The following TENM2 variants were observed in gnomAD, a reference collection of about 807,000 sequenced individuals.
TENM2 encodes the protein teneurin transmembrane protein 2, also known as teneurin-2.
TENM2 carries 52 observed loss-of-function variants against 245.2 expected under a neutral mutation model. The observed-to-expected ratio is 0.21, with a 90% CI of 0.17 to 0.27. TENM2 has a LOEUF of 0.27. TENM2 is among the 10% of genes least tolerant of loss of function. TENM2 has a pLI of 1.00. For missense variants in TENM2, 3,046 were observed against 3,666.8 expected, an observed-to-expected ratio of 0.83 and a Z score of 4.37; for synonymous variants, 1,363 against 1,438.9, an observed-to-expected ratio of 0.95 and a Z score of 1.19.
intron 1 of TENM2, among the ~76,000 whole-genome samples, chr5:167,353,658 C>T (rs985643557): frequency 1.1e-3 from 163 of 151,456 alleles, no homozygotes; most frequent in African/African-American, 3.7e-3. Flanking sequence ...CAGGCGCCCG[C>T]CACTACGCCC....
At chr5:168,030,989 G>GAAATCATTT (rs1220568483) in intron 5 of TENM2, among the ~76,000 whole-genome samples, 1 of 152,122 alleles carries the variant, frequency 6.6e-6, no homozygotes, top group East Asian at 1.9e-4. Flanking sequence ...AAGGTTGGTG[G>GAAATCATTT]AAATCATTTA....
At chr5:167,240,025 C>T in the TENM2 span, among the ~76,000 whole-genome samples, 1 of 152,208 alleles carries the variant, frequency 6.6e-6, no homozygotes, top group Non-Finnish European at 1.5e-5. Flanking sequence ...CTGCCTGCCT[C>T]GGCCTCCCAA....
At chr5:167,148,245 C>T in the TENM2 span, among the ~76,000 whole-genome samples, 1 of 152,164 alleles carries the variant, frequency 6.6e-6, no homozygotes, top group Non-Finnish European at 1.5e-5. Context: ...TATGAAAGAG[C>T]AATTAATGTG....
chr5:167,502,804 G>T (rs1183064733), intron 2 of TENM2, among the ~76,000 whole-genome samples: 1 of 152,092 alleles, frequency 6.6e-6, no homozygotes, highest in Non-Finnish European at 1.5e-5. Context: ...TGCTGAAAAT[G>T]CATATTCCTG....
At chr5:167,469,675 C>A (rs868664647) in intron 2 of TENM2, among the ~76,000 whole-genome samples, 1 of 151,836 alleles carries the variant, frequency 6.6e-6, no homozygotes, top group African/African-American at 2.4e-5. Context: ...TTATTTAATT[C>A]TTTTTCCTTT....
chr5:167,281,592 A>C (rs1053479649), upstream of TENM2, among the ~76,000 whole-genome samples: 1 of 152,192 alleles, frequency 6.6e-6, no homozygotes, highest in Non-Finnish European at 1.5e-5. Flanking sequence ...TGACAAAGTT[A>C]ACTATCAAGG....
intron 2 of TENM2, among the ~76,000 whole-genome samples, chr5:167,802,860 T>C (rs1765882349): frequency 6.6e-6 from 1 of 152,204 alleles, no homozygotes; most frequent in Non-Finnish European, 1.5e-5. Flanking sequence ...CCTGTCAACC[T>C]TCATTCTTTC....
chr5:167,874,878 C>T (rs1259398906), intron 2 of TENM2, among the ~76,000 whole-genome samples: 1 of 152,174 alleles, frequency 6.6e-6, no homozygotes, highest in Non-Finnish European at 1.5e-5. Flanking sequence ...AGAGTCTGTG[C>T]TTTTCTTTGT....
chr5:167,747,583 T>C lies in TENM2; in HGVS notation c.503-128403T>C, dbSNP rs115714297. ...ATACTTTTGCCACATTTCGGTAACA[T>C]TGATCGAGACTTTTCTGAGTCATTT... On this transcript the variant is annotated intron_variant, in intron 2 of 28. Coordinates refer to ENST00000518659, the Ensembl canonical transcript of TENM2. Among the ~76,000 whole-genome samples the C allele has an allele frequency of 8.6e-3, 1,304 of 152,318 alleles. 20 individuals carry two copies. Among genetic ancestry groups the C allele is most frequent in the African/African-American group, 0.03 (1,236 of 41,588 alleles).
intron 1 of TENM2, among the ~76,000 whole-genome samples, chr5:167,373,081 C>G (rs755790032): frequency 6.6e-6 from 1 of 152,190 alleles, no homozygotes; most frequent in African/African-American, 2.4e-5. Flanking sequence ...CCCATGCTGA[C>G]AGGAACCTGC....
Position 168,244,358 on chromosome 5 carries a change from A to G in TENM2, c.5521-62A>G. The G allele has an allele frequency of 7.3e-7, 1 of 1,364,798 alleles. No individual in the cohort carries two copies. Among genetic ancestry groups the G allele is most frequent in the Non-Finnish European group, 9.7e-7 (1 of 1,027,844 alleles). The allele number at this position is 1,364,798 out of a possible 1,614,324, so 84.5% of individuals were successfully genotyped here. A position where few individuals can be genotyped will look rare whatever the true frequency, so the allele number is the denominator to read the frequency against. ...TGGCCATGCCAGCCATGTCCTCCAC[A>G]GAAGCCTGAGCCGGCATGCCTGGGT... On this transcript the variant is annotated intron_variant, in intron 25 of 28. Transcript: ENST00000518659. This position sits in a 1 kb window ranked among gnomAD's most constrained non-coding sequence, Gnocchi z 4.9.
chr5:168,204,394 G>C, exon 19 of TENM2: 1 of 1,613,868 alleles, frequency 6.2e-7, no homozygotes. Flanking sequence ...AAGGCACTGG[G>C]GAAAACCAGT....
intron 2 of TENM2, among the ~76,000 whole-genome samples, chr5:167,551,249 G>A (rs1772919988): frequency 6.6e-6 from 1 of 152,188 alleles, no homozygotes. Flanking sequence ...TTGACTATGT[G>A]TCAGGCCCTT....
intron 2 of TENM2, among the ~76,000 whole-genome samples, chr5:167,793,358 AAAT>A: frequency 6.6e-6 from 1 of 152,270 alleles, no homozygotes; most frequent in East Asian, 1.9e-4. Flanking sequence ...TTAAAGGAGA[AAAT>A]AATGACAATT....
chr5:167,633,121 C>G (rs1191271851), intron 2 of TENM2, among the ~76,000 whole-genome samples: 1 of 152,038 alleles, frequency 6.6e-6, no homozygotes, highest in African/African-American at 2.4e-5. Flanking sequence ...ATGGAGATGT[C>G]TGGGAGGCAG....
At chr5:167,701,803 A>T in intron 2 of TENM2, among the ~76,000 whole-genome samples, 1 of 152,170 alleles carries the variant, frequency 6.6e-6, no homozygotes, top group Non-Finnish European at 1.5e-5. Flanking sequence ...GCATTGCTGT[A>T]TAAGTATTTT....
At chr5:167,839,804 T>G (rs1302904596) in intron 2 of TENM2, among the ~76,000 whole-genome samples, 5 of 152,264 alleles carry the variant, frequency 3.3e-5, no homozygotes, top group African/African-American at 9.6e-5. Flanking sequence ...TTAAATTACC[T>G]ATCTAATTCA....
chr5:167,516,144 A>G (rs1482890878), intron 2 of TENM2, among the ~76,000 whole-genome samples: 1 of 152,128 alleles, frequency 6.6e-6, no homozygotes, highest in Non-Finnish European at 1.5e-5. Flanking sequence ...TATTTAGGAC[A>G]ATCGAATATA....
At chr5:167,423,774 A>G (rs569130479) in intron 2 of TENM2, among the ~76,000 whole-genome samples, 1 of 152,150 alleles carries the variant, frequency 6.6e-6, no homozygotes, top group Non-Finnish European at 1.5e-5. Context: ...AATCATTTTC[A>G]TTCACCCTCG....
Sources: gnomAD v4.1 joint callset for allele counts (sites outside exome capture counted in the v4.1 genomes callset) on GRCh38, gnomAD v4.1.1 for gene constraint, Gnocchi (gnomAD v3.1) non-coding constraint, MANE v1.5 for transcripts, NCBI Gene and HGNC (gene_info 2026-07-23, HGNC 2026-07-21) for gene names.